SIGLECL1: variants seen among roughly 807,000 people sequenced by gnomAD.
The protein encoded by SIGLECL1 is SIGLEC family-like protein 1.
A neutral mutation model predicts 19.1 loss-of-function variants in SIGLECL1; 16 were observed. The observed-to-expected ratio is 0.84, with a 90% CI of 0.57 to 1.27. The LOEUF (loss-of-function observed/expected upper bound fraction) is 1.27, where lower values mean the gene tolerates loss of function less well. Among genes scored for constraint, SIGLECL1 ranks in the 50% most tolerant of loss-of-function variants. The pLI, the probability that SIGLECL1 is intolerant of heterozygous loss-of-function variation, is 0.00. For missense variants in SIGLECL1, 210 were observed against 239.4 expected (o/e 0.88, Z 0.81); for synonymous variants, 89 against 90.4 (o/e 0.98, Z 0.09).
intron 2 of SIGLECL1, chr19:51,264,377 C>T (rs1202169097): frequency 2.8e-6 from 1 of 353,510 alleles, no homozygotes; most frequent in Non-Finnish European, 5.2e-6. Flanking sequence ...TTACTGGAAG[C>T]CCTGAAGTTA....
At chr19:51,250,483 A>C (rs1982419482), upstream of SIGLECL1, among the ~76,000 whole-genome samples, 1 of 152,196 alleles carries the variant, frequency 6.6e-6, no homozygotes, top group African/African-American at 2.4e-5. Context: ...AGAATGCCTT[A>C]GCCCTCTGGG....
At chr19:51,248,670 C>T (rs145668762), upstream of SIGLECL1, among the ~76,000 whole-genome samples, 1,395 of 152,212 alleles carry the variant, frequency 9.2e-3, 13 homozygotes, top group Admixed American at 0.013. Flanking sequence ...ATTCATGAAT[C>T]CAGAAGTGCC....
chr19:51,252,251 C>A (rs1170601415), intron 1 of SIGLECL1, among the ~76,000 whole-genome samples: 1 of 150,620 alleles, frequency 6.6e-6, no homozygotes, highest in Non-Finnish European at 1.5e-5. Context: ...GAGCCAAGAT[C>A]GTGCCACTGC....
intron 1 of SIGLECL1, among the ~76,000 whole-genome samples, chr19:51,260,605 A>C (rs972398890): frequency 9.9e-5 from 15 of 152,150 alleles, no homozygotes; most frequent in Non-Finnish European, 2.9e-5. Context: ...CTGGGAGTGG[A>C]ATTGAGGGTC....
intron 1 of SIGLECL1, among the ~76,000 whole-genome samples, chr19:51,256,969 A>G (rs1428774875): frequency 6.6e-6 from 1 of 152,188 alleles, no homozygotes; most frequent in Non-Finnish European, 1.5e-5. Context: ...ATGAATATGT[A>G]GATACATATT....
chr19:51,267,084 T>C (rs1213278346), intron 4 of SIGLECL1, among the ~76,000 whole-genome samples: 3 of 152,136 alleles, frequency 2.0e-5, no homozygotes, highest in Non-Finnish European at 4.4e-5. Context: ...TGAGGAGCTA[T>C]TTTCAAAGTA....
At chr19:51,256,629 T>C (rs956795092) in intron 1 of SIGLECL1, among the ~76,000 whole-genome samples, 3 of 152,208 alleles carry the variant, frequency 2.0e-5, no homozygotes, top group African/African-American at 7.2e-5. Context: ...CACTGTACTG[T>C]ATACTTGAAA....
rs1423436133 is a variant in SIGLECL1, at chr19:51,265,810, A to T, written c.338A>T (p.Lys113Ile). ...TCTTTGGCTGCCCAGGCCTTCGTGA[A>T]AGGGCTGATCCAGGGTGCTATCTAT... ...KSSLAAQAFV[K>I]GLIQGAIYAG... The change falls in exon 4 of 6, where the codon AAA becomes ATA. Residue 113 changes from lysine to isoleucine, a missense_variant. By Grantham distance (102) the Lys-to-Ile change is moderately radical (BLOSUM62 -3). Transcript: ENST00000601727. 20 of 1,614,040 alleles carry T rather than the reference A, an allele frequency of 1.2e-5. No individual in the cohort carries two copies. Among genetic ancestry groups the T allele is most frequent in the Non-Finnish European group, 1.7e-5 (20 of 1,180,030 alleles).
intron 1 of SIGLECL1, among the ~76,000 whole-genome samples, chr19:51,253,406 G>T (rs971071778): frequency 6.6e-6 from 1 of 151,810 alleles, no homozygotes; most frequent in African/African-American, 2.4e-5. Flanking sequence ...GAGAGAAGCT[G>T]GTTGTTTGAA....
At position 51,263,532 on chromosome 19, in the gene SIGLECL1, G is replaced by A. The variant is rs28497147; in HGVS notation, c.-190-351G>A. Reference sequence around the variant, plus strand: ...TATGCCTGTAATCTCAGCTGTTTGGGAGGCCAAGGCGGGTCAGGTGTTTGA... The same window carrying A: ...TATGCCTGTAATCTCAGCTGTTTGGAAGGCCAAGGCGGGTCAGGTGTTTGA... On this transcript the variant is annotated intron_variant, in intron 1 of 5. Coordinates refer to ENST00000601727, the MANE Select transcript of SIGLECL1 (RefSeq NM_001385465.1). Among the ~76,000 whole-genome samples, 1,479 of 152,228 alleles carry A rather than the reference G, an allele frequency of 9.7e-3. 23 individuals carry two copies. Among genetic ancestry groups the A allele is most frequent in the African/African-American group, 0.034 (1,396 of 41,542 alleles).
chr19:51,261,792 C>T (rs771360417), intron 1 of SIGLECL1, among the ~76,000 whole-genome samples: 18 of 152,100 alleles, frequency 1.2e-4, no homozygotes, highest in Non-Finnish European at 2.2e-4. Flanking sequence ...TTGTCCCAAC[C>T]GTTCTATTCT....
intron 4 of SIGLECL1, 84 bp from the exon 5 acceptor site, chr19:51,267,289 A>G: frequency 6.6e-7 from 1 of 1,520,610 alleles, no homozygotes; most frequent in South Asian, 1.2e-5. Flanking sequence ...GAGGCTCTAA[A>G]TCAGAAGTTC....
chr19:51,255,451 C>T (rs1421936149), intron 1 of SIGLECL1, among the ~76,000 whole-genome samples: 1 of 151,942 alleles, frequency 6.6e-6, no homozygotes, highest in African/African-American at 2.4e-5. Context: ...AAGATTGCAG[C>T]AAAGTAGTTT....
upstream of SIGLECL1, among the ~76,000 whole-genome samples, chr19:51,246,901 A>T (rs535076584): frequency 1.3e-5 from 2 of 152,330 alleles, no homozygotes; most frequent in South Asian, 4.1e-4. Context: ...GAGGCTACAG[A>T]GGAAGATCTT....
At chr19:51,256,434 G>A (rs929905078) in intron 1 of SIGLECL1, among the ~76,000 whole-genome samples, 2 of 152,156 alleles carry the variant, frequency 1.3e-5, no homozygotes, top group African/African-American at 4.8e-5. Flanking sequence ...GACAAGTACT[G>A]CATGATCTCA....
At chr19:51,246,569 G>A (rs975952123), upstream of SIGLECL1, among the ~76,000 whole-genome samples, 2 of 152,102 alleles carry the variant, frequency 1.3e-5, no homozygotes, top group African/African-American at 4.8e-5. Context: ...TCTCAGCACT[G>A]ATTGAGTGGT....
At chr19:51,263,162 G>T (rs1463620246) in intron 1 of SIGLECL1, among the ~76,000 whole-genome samples, 1 of 152,102 alleles carries the variant, frequency 6.6e-6, no homozygotes, top group Admixed American at 6.5e-5. Flanking sequence ...AATTGGAATT[G>T]ATCATTTTTT....
At chr19:51,261,976 A>G (rs1422534486) in intron 1 of SIGLECL1, among the ~76,000 whole-genome samples, 1 of 152,118 alleles carries the variant, frequency 6.6e-6, no homozygotes, top group African/African-American at 2.4e-5. Context: ...GAACATTAAC[A>G]ACACCCCAAA....
intron 1 of SIGLECL1, among the ~76,000 whole-genome samples, chr19:51,258,613 C>A (rs1982978622): frequency 6.6e-6 from 1 of 152,140 alleles, no homozygotes; most frequent in African/African-American, 2.4e-5. Flanking sequence ...TGGGCTCTGG[C>A]CAGCCTGAGC....
Sources: allele counts gnomAD v4.1 joint callset (sites outside exome capture counted in the v4.1 genomes callset), GRCh38; gene constraint gnomAD v4.1.1; transcripts MANE v1.5; gene names NCBI Gene and HGNC (gene_info 2026-07-23, HGNC 2026-07-21).